KCNK2: variants seen among roughly 807,000 people sequenced by gnomAD.
The protein encoded by KCNK2 is potassium two pore domain channel subfamily K member 2.
In KCNK2, 21 loss-of-function variants were observed where a neutral mutation model predicts 40.5. The observed-to-expected ratio is 0.52, with a 90% confidence interval of 0.37 to 0.75. The LOEUF is 0.75. KCNK2 is among the 30% of genes least tolerant of loss of function. The pLI is 0.00. For missense variants in KCNK2, 399 were observed against 531.6 expected, an observed-to-expected ratio of 0.75 and a Z score of 2.45; for synonymous variants, 191 against 202.2, an observed-to-expected ratio of 0.94 and a Z score of 0.47.
intron 3 of KCNK2, among the ~76,000 whole-genome samples, chr1:215,128,076 A>G (rs1423049635): frequency 7.9e-5 from 12 of 152,208 alleles, no homozygotes; most frequent in Admixed American, 7.9e-4. Flanking sequence ...TTGTGAGTTA[A>G]GAGCATTTAA....
At chr1:215,007,227 A>ATATGT (rs1337347831) in intron 1 of KCNK2, among the ~76,000 whole-genome samples, 1 of 95,772 alleles carries the variant, frequency 1.0e-5, no homozygotes, top group African/African-American at 3.9e-5. Flanking sequence ...ATATATATAT[A>ATATGT]GGCTCATTTC....
intron 1 of KCNK2, among the ~76,000 whole-genome samples, chr1:215,009,301 T>G (rs1656292968): frequency 6.6e-6 from 1 of 152,126 alleles, no homozygotes; most frequent in Admixed American, 6.5e-5. Flanking sequence ...TAAGCAATGT[T>G]TACACATCAC....
chr1:215,217,064 A>C (rs1010351836), intron 6 of KCNK2, among the ~76,000 whole-genome samples: 7 of 152,250 alleles, frequency 4.6e-5, no homozygotes, highest in Non-Finnish European at 8.8e-5. Flanking sequence ...TAAATGTATC[A>C]ATACACATTA....
chr1:215,053,296 T>G (rs897809844), intron 1 of KCNK2, among the ~76,000 whole-genome samples: 3 of 152,116 alleles, frequency 2.0e-5, no homozygotes, highest in Admixed American at 6.5e-5. Context: ...TGACAGTGAC[T>G]GATGCATCTT....
intron 3 of KCNK2, among the ~76,000 whole-genome samples, chr1:215,132,602 A>G (rs1661725029): frequency 6.6e-6 from 1 of 152,194 alleles, no homozygotes; most frequent in African/African-American, 2.4e-5. Flanking sequence ...GTGTATTTGA[A>G]ATACAAAAAT....
Position 215,234,842 on chromosome 1 carries a change from A to G in KCNK2, c.978A>G (p.Arg326=). 1 of 1,612,882 alleles carries G rather than the reference A, an allele frequency of 6.2e-7. No homozygotes were observed. The change falls in exon 7 of 7, where the codon AGA becomes AGG. Residue 326 remains arginine (R), a synonymous_variant. Coordinates refer to ENST00000444842, the MANE Select transcript of KCNK2 (RefSeq NM_001017425.3). ...KKTKEEVGEF[R]AHAAEWTANV... is the part of the protein sequence containing the mutation. The stretch of plus-strand genomic sequence containing the variant: ...GTATGTTCCAGGTGGGAGAGTTCAG[A>G]GCACACGCTGCTGAGTGGACAGCCA...
chr1:215,016,405 GAC>G (rs1434633896), intron 1 of KCNK2, among the ~76,000 whole-genome samples: 1 of 152,086 alleles, frequency 6.6e-6, no homozygotes, highest in African/African-American at 2.4e-5. Context: ...CATAAAAACA[GAC>G]ACATACACCA....
chr1:215,013,721 T>C (rs1277497144), intron 1 of KCNK2, among the ~76,000 whole-genome samples: 1 of 152,204 alleles, frequency 6.6e-6, no homozygotes, highest in African/African-American at 2.4e-5. Context: ...TTTCCAATTT[T>C]CATTGCTAGT....
chr1:215,142,077 A>C (rs76403409), intron 3 of KCNK2, among the ~76,000 whole-genome samples: 4,562 of 152,104 alleles, frequency 0.03, 93 homozygotes, highest in South Asian at 0.059. Flanking sequence ...TTGAGTTTGT[A>C]CTATTTCTCT....
At chr1:215,179,251 C>CT (rs1664124078) in intron 5 of KCNK2, among the ~76,000 whole-genome samples, 1 of 151,726 alleles carries the variant, frequency 6.6e-6, no homozygotes, top group Admixed American at 6.6e-5. Flanking sequence ...TCATTTTTTT[C>CT]TTTGTTAATC....
At position 215,022,897 on chromosome 1, in the gene KCNK2, C is replaced by T. The variant is rs370452302; in HGVS notation, c.34+16942C>T. ...TTTTAAAGTGAAAGTCAGTGATTTA[C>T]TCCTTCCTTCTTTCCTTCCCAGAGG... On this transcript the variant is annotated intron_variant, in intron 1 of 6. Transcript: ENST00000391895. Among the ~76,000 whole-genome samples the T allele has an allele frequency of 2.6e-5, 4 of 152,328 alleles. No homozygotes were observed. In the South Asian group the frequency reaches 8.3e-4, roughly 32 times the overall value.
chr1:215,121,441 T>G (rs1345545202), intron 2 of KCNK2, among the ~76,000 whole-genome samples: 1 of 152,072 alleles, frequency 6.6e-6, no homozygotes, highest in Non-Finnish European at 1.5e-5. Flanking sequence ...GCCCAGCTAA[T>G]TTTTTGTATT....
chr1:215,153,903 G>A (rs1662796308), intron 3 of KCNK2, among the ~76,000 whole-genome samples: 1 of 152,120 alleles, frequency 6.6e-6, no homozygotes. Context: ...CTTCATCCAT[G>A]TTCCTGCAAA....
intron 2 of KCNK2, among the ~76,000 whole-genome samples, chr1:215,116,234 A>G (rs184646557): frequency 6.6e-6 from 1 of 152,242 alleles, no homozygotes; most frequent in Non-Finnish European, 1.5e-5. Context: ...TGCTTATGTT[A>G]TATGAAAAGA....
intron 1 of KCNK2, among the ~76,000 whole-genome samples, chr1:215,029,723 T>C (rs1657121104): frequency 1.3e-5 from 2 of 151,290 alleles, no homozygotes; most frequent in South Asian, 4.1e-4. Flanking sequence ...CTTAATATGA[T>C]TATTAATATG....
chr1:215,194,822 T>C, intron 5 of KCNK2, 131 bp from the exon 6 acceptor site: 4 of 598,980 alleles, frequency 6.7e-6, no homozygotes, highest in Non-Finnish European at 1.1e-5. Context: ...GAAAATAATG[T>C]AACTCCATTG....
At chr1:215,097,037 G>A (rs1334354957) in intron 2 of KCNK2, among the ~76,000 whole-genome samples, 1 of 151,830 alleles carries the variant, frequency 6.6e-6, no homozygotes, top group African/African-American at 2.4e-5. Flanking sequence ...GCTTCCACAT[G>A]AACAGCAAGC....
intron 1 of KCNK2, among the ~76,000 whole-genome samples, chr1:215,069,374 C>A (rs1658670636): frequency 6.6e-6 from 1 of 152,182 alleles, no homozygotes; most frequent in African/African-American, 2.4e-5. Flanking sequence ...TTGACTCCTT[C>A]TTTTGCAACC....
chr1:215,046,098 A>T (rs999645272), intron 1 of KCNK2, among the ~76,000 whole-genome samples: 1 of 152,198 alleles, frequency 6.6e-6, no homozygotes, highest in Admixed American at 6.5e-5. Context: ...ACACATATTT[A>T]GATTTTAAGC....
Sources: gnomAD v4.1 joint callset for allele counts (sites outside exome capture counted in the v4.1 genomes callset) on GRCh38, gnomAD v4.1.1 for gene constraint, MANE v1.5 for transcripts, NCBI Gene and HGNC (gene_info 2026-07-23, HGNC 2026-07-21) for gene names.